The following DST variants were observed in gnomAD, a reference collection of about 807,000 sequenced individuals.
DST encodes dystonin.
A neutral mutation model predicts 875.2 loss-of-function variants in DST; 253 were observed. That is an observed-to-expected ratio of 0.29 (90% confidence interval 0.26 to 0.32). The LOEUF is 0.32. Ranked by LOEUF, DST falls within the 10% of genes least tolerant of loss-of-function variation. The probability of loss-of-function intolerance (pLI) is 1.00; values close to 1 mark genes in which losing one functional copy is unlikely to be tolerated. For synonymous variants in DST, 3,124 were observed against 3,197.1 expected, an observed-to-expected ratio of 0.98 and a Z score of 0.77; for missense variants, 8,287 against 9,111.6, an observed-to-expected ratio of 0.91 and a Z score of 3.68.
Position 56,529,684 on chromosome 6 carries a change from C to A in DST, c.17359G>T (p.Asp5787Tyr). The change falls in exon 66 of 104, where the codon GAT (aspartate) becomes TAT (tyrosine). Residue 5787 changes from aspartate to tyrosine, a missense_variant. This residue lies in a region of DST where 777 missense variants were observed against 764.8 expected (regional missense o/e 1.02). Transcript: ENST00000680361. ...AATTTACTCTGCACCATATCTTTAT[C>A]CTCCCTGGAGCTCAAAACCTTTAAG... Reference protein sequence around the residue: ...QSLKVLSSREDKDMVQSKLDF... With the variant: ...QSLKVLSSREYKDMVQSKLDF... 4.3e-6 allele frequency: 7 copies of A among 1,613,640 alleles called. No individual in the cohort carries two copies. Among genetic ancestry groups the A allele is most frequent in the Non-Finnish European group, 5.9e-6 (7 of 1,179,732 alleles).
Position 56,464,760 on chromosome 6 carries a change from G to GA in DST, c.22688-5dup, listed in dbSNP as rs1318812005. On this transcript the variant is annotated splice_polypyrimidine_tract_variant and splice_region_variant and intron_variant, in intron 99 of 103. Transcript: ENST00000680361. ...ATTTTACTCCCATGATGATGAACTAGAAAAAATGACACAGGATACCAATCA... is the reference window on the plus strand; with the variant it reads ...ATTTTACTCCCATGATGATGAACTAGAAAAAAATGACACAGGATACCAATCA... The GA allele has an allele frequency of 1.9e-6, 3 of 1,587,446 alleles. No individual in the cohort carries two copies. Among genetic ancestry groups the GA allele is most frequent in the South Asian group, 1.1e-5 (1 of 87,010 alleles).
intron 72 of DST, among the ~76,000 whole-genome samples, chr6:56,514,711 T>C (rs2096556763): frequency 6.6e-6 from 1 of 152,010 alleles, no homozygotes; most frequent in South Asian, 2.1e-4. Context: ...AGTCCATAAA[T>C]AGCAAGAAAT....
intron 9 of DST, among the ~76,000 whole-genome samples, chr6:56,686,979 C>G (rs966339850): frequency 3.3e-5 from 5 of 152,174 alleles, no homozygotes; most frequent in Non-Finnish European, 7.3e-5. Flanking sequence ...AGCCTTCTGA[C>G]TCAACATCTT....
chr6:56,521,477 T>TA (rs1491147953), intron 69 of DST, among the ~76,000 whole-genome samples: 19 of 64,764 alleles, frequency 2.9e-4, no homozygotes, highest in South Asian at 9.2e-4. Flanking sequence ...GTCTTCCCTA[T>TA]TTAAAAAAAA....
At chr6:56,951,039 C>G (rs1250253622) in intron 2 of DST, among the ~76,000 whole-genome samples, 1 of 152,144 alleles carries the variant, frequency 6.6e-6, no homozygotes, top group Non-Finnish European at 1.5e-5. Context: ...AAACTGAGTC[C>G]TGGTGCGATG....
chr6:56,738,779 C>T (rs141800092), intron 4 of DST, among the ~76,000 whole-genome samples: 329 of 152,012 alleles, frequency 2.2e-3, no homozygotes, highest in African/African-American at 7.2e-3. Context: ...CATGTCACCA[C>T]GCTTGGTGAA....
intron 50 of DST, among the ~76,000 whole-genome samples, chr6:56,577,426 CTA>C (rs1244455172): frequency 6.6e-6 from 1 of 152,080 alleles, no homozygotes. Context: ...CTTTAAAACT[CTA>C]TATTTTTGTG....
chr6:56,908,113 A>G (rs1193322010), intron 2 of DST, among the ~76,000 whole-genome samples: 1 of 152,072 alleles, frequency 6.6e-6, no homozygotes, highest in African/African-American at 2.4e-5. Flanking sequence ...ACACACACAC[A>G]CACATATATA....
intron 69 of DST, among the ~76,000 whole-genome samples, chr6:56,518,286 A>G (rs1328203585): frequency 6.6e-6 from 1 of 152,142 alleles, no homozygotes; most frequent in African/African-American, 2.4e-5. Flanking sequence ...CAAATTCATA[A>G]AGCAGAGAAA....
intron 10 of DST, among the ~76,000 whole-genome samples, chr6:56,657,656 T>C (rs1368149943): frequency 6.6e-6 from 1 of 152,226 alleles, no homozygotes. Context: ...TGGAGATGGA[T>C]GGCGGTGATG....
chr6:56,944,025 G>A lies in DST; in HGVS notation c.216+9760C>T, dbSNP rs554924365. Among the ~76,000 whole-genome samples the A allele has an allele frequency of 7.9e-5, 12 of 152,206 alleles. No individual in the cohort carries two copies. In the East Asian group the frequency reaches 2.3e-3, roughly 30 times the overall value. ...CCAGCTACTCGGGCAGCTGAGGCAG[G>A]AGAATCACTTGAACCCAGGAGGCAG... On this transcript the variant is annotated intron_variant, in intron 2 of 103. Coordinates refer to ENST00000680361, the MANE Select transcript of DST (RefSeq NM_001374736.1).
intron 100 of DST, 64 bp from the exon 101 acceptor site, chr6:56,463,828 T>C: frequency 6.4e-7 from 1 of 1,552,792 alleles, no homozygotes; most frequent in East Asian, 2.2e-5. Flanking sequence ...CGCTCAATCG[T>C]TAATGGGAAG....
At chr6:56,948,167 T>C (rs1820632473) in intron 2 of DST, among the ~76,000 whole-genome samples, 1 of 152,222 alleles carries the variant, frequency 6.6e-6, no homozygotes, top group Non-Finnish European at 1.5e-5. Flanking sequence ...CTTCACAATT[T>C]CACAGATAGA....
chr6:56,492,396 A>G lies in DST; in HGVS notation c.20588T>C (p.Ile6863Thr). 6.2e-7 allele frequency: 1 copy of G among 1,613,812 alleles called. No individual in the cohort carries two copies. The highest frequency in any genetic ancestry group is 8.5e-7 in the Non-Finnish European group (1 of 1,179,808). ...GGTTCCAGTTTTGTCCAGCTCTATT[A>G]TCTGCTCACGATGAGAATTTACTTC... is the stretch of plus-strand genomic sequence containing the variant. Reference protein sequence around the residue: ...ANEVNSHREQIIELDKTGTHL... With the variant: ...ANEVNSHREQTIELDKTGTHL... The change falls in exon 85 of 104, where the codon ATA (isoleucine) becomes ACA (threonine). Residue 6863 changes from isoleucine to threonine, a missense_variant. By Grantham distance (89) the Ile-to-Thr change is moderately conservative. Transcript: ENST00000680361.
intron 72 of DST, among the ~76,000 whole-genome samples, chr6:56,515,023 A>G (rs977953491): frequency 1.3e-5 from 2 of 152,140 alleles, no homozygotes; most frequent in Non-Finnish European, 2.9e-5. Flanking sequence ...CATTCATTAT[A>G]TTACACATTT....
intron 73 of DST, among the ~76,000 whole-genome samples, chr6:56,510,265 A>G (rs2096445985): frequency 6.6e-6 from 1 of 152,178 alleles, no homozygotes; most frequent in South Asian, 2.1e-4. Flanking sequence ...GTATTTGTCT[A>G]TTACAATGGA....
At chr6:56,817,933 A>G (rs961286051) in intron 4 of DST, among the ~76,000 whole-genome samples, 2 of 152,332 alleles carry the variant, frequency 1.3e-5, no homozygotes, top group East Asian at 1.9e-4. Flanking sequence ...AGGTGGACTC[A>G]ATGTAATCAA....
At chr6:56,625,930 T>C (rs1303381507) in intron 34 of DST, among the ~76,000 whole-genome samples, 1 of 148,286 alleles carries the variant, frequency 6.7e-6, no homozygotes, top group Non-Finnish European at 1.5e-5. Context: ...TAAGTTAATG[T>C]GTATGTTTGT....
chr6:56,551,456 GT>G (rs1416864073), intron 61 of DST, among the ~76,000 whole-genome samples: 1 of 152,076 alleles, frequency 6.6e-6, no homozygotes, highest in East Asian at 1.9e-4. Flanking sequence ...ACCTATCTTT[GT>G]CCCCTATACA....
Sources: gnomAD v4.1 joint callset for allele counts (sites outside exome capture counted in the v4.1 genomes callset) on GRCh38, gnomAD v4.1.1 for gene constraint, gnomAD v4.1.1 regional missense constraint, MANE v1.5 for transcripts, NCBI Gene and HGNC (gene_info 2026-07-23, HGNC 2026-07-21) for gene names.